The following WSCD2 variants were observed in gnomAD, a reference collection of about 807,000 sequenced individuals.
WSCD2 encodes sialate:O-sulfotransferase 2.
WSCD2 carries 28 observed loss-of-function variants against 55.7 expected under a neutral mutation model. That is an observed-to-expected ratio of 0.50 (90% CI 0.37 to 0.69). The LOEUF (loss-of-function observed/expected upper bound fraction) is 0.69, where lower values mean the gene tolerates loss of function less well. Among genes scored for constraint, WSCD2 ranks in the 30% least tolerant of loss-of-function variants. The probability of loss-of-function intolerance (pLI) is 0.00; values close to 1 mark genes in which losing one functional copy is unlikely to be tolerated. For synonymous variants in WSCD2, 301 were observed against 301.9 expected (o/e 1.00, Z 0.03); for missense variants, 616 against 762.1 (o/e 0.81, Z 2.26).
intron 1 of WSCD2, among the ~76,000 whole-genome samples, chr12:108,164,139 C>CTTTTTTTTT (rs1555224800): frequency 5.9e-5 from 5 of 85,306 alleles, no homozygotes; most frequent in African/African-American, 2.4e-4. Context: ...ATCTTAAATC[C>CTTTTTTTTT]TTTTTTTTTT....
Position 108,249,776 on chromosome 12 carries a change from C to T in WSCD2, c.*1433C>T, listed in dbSNP as rs1043649. On this transcript the variant is annotated 3_prime_UTR_variant, in exon 9 of 9. Coordinates refer to ENST00000547525, the MANE Select transcript of WSCD2 (RefSeq NM_014653.4). The stretch of plus-strand genomic sequence containing the variant: ...AGAGGAATATGATTAATACATTCCG[C>T]CCCTTGGAACCTGGCCATGCAAAGC... 0.28 allele frequency: 42,624 copies of T among 152,574 alleles called. 6,029 individuals are homozygous for T. Among genetic ancestry groups the T allele is most frequent in the Middle Eastern group, 0.31 (90 of 292 alleles). The allele number at this position is 152,574 out of a possible 1,614,324, so 9.5% of individuals were successfully genotyped here.
intron 1 of WSCD2, among the ~76,000 whole-genome samples, chr12:108,178,015 C>A (rs1881127885): frequency 6.6e-6 from 1 of 151,968 alleles, no homozygotes; most frequent in Admixed American, 6.6e-5. Flanking sequence ...TGTTGAGGTC[C>A]TATGCAGAGC....
At chr12:108,140,225 G>T (rs990925175) in intron 1 of WSCD2, among the ~76,000 whole-genome samples, 1 of 152,128 alleles carries the variant, frequency 6.6e-6, no homozygotes, top group Non-Finnish European at 1.5e-5. Context: ...CCGTTTCCTC[G>T]TTTTAAAACT....
At chr12:108,164,281 C>G (rs1248939100) in intron 1 of WSCD2, among the ~76,000 whole-genome samples, 1 of 151,400 alleles carries the variant, frequency 6.6e-6, no homozygotes, top group African/African-American at 2.4e-5. Context: ...GGTCAAGATA[C>G]AGACCATTCT....
chr12:108,136,263 G>C (rs1876203740), intron 1 of WSCD2, among the ~76,000 whole-genome samples: 1 of 151,216 alleles, frequency 6.6e-6, no homozygotes, highest in Non-Finnish European at 1.5e-5. Flanking sequence ...CCTGGGGGAA[G>C]AGTTTCTGAG....
At chr12:108,130,475 G>GGTGTGTGTGTGTGT (rs559546028) in intron 1 of WSCD2, among the ~76,000 whole-genome samples, 1 of 134,510 alleles carries the variant, frequency 7.4e-6, no homozygotes, top group African/African-American at 2.7e-5. Flanking sequence ...TCCATTCTGG[G>GGTGTGTGTGTGTGT]GTGTGTGTGT....
At position 108,169,181 on chromosome 12, in the gene WSCD2, G is replaced by A. The variant is rs80351223; in HGVS notation, c.-551-26101G>A. 2.0e-4 allele frequency among the ~76,000 whole-genome samples: 31 copies of A among 152,302 alleles called. 1 individual carries two copies. The East Asian group carries it at 5.0e-3, about 25-fold the overall frequency. Reference sequence around the variant, plus strand: ...TCTTCCATCACCTCCAGATGGGGCCGTCTAGTTGCAGGAAAACAAGTTCAG... The same window carrying A: ...TCTTCCATCACCTCCAGATGGGGCCATCTAGTTGCAGGAAAACAAGTTCAG... On this transcript the variant is annotated intron_variant, in intron 1 of 8. Coordinates refer to ENST00000547525, the MANE Select transcript of WSCD2 (RefSeq NM_014653.4).
intron 8 of WSCD2, 52 bp downstream of exon 8, chr12:108,240,596 G>A (rs1375674211): frequency 6.8e-7 from 1 of 1,468,228 alleles, no homozygotes; most frequent in Non-Finnish European, 9.2e-7. Context: ...GGGCTGCAGG[G>A]GGCGGTGGGA....
intron 4 of WSCD2, among the ~76,000 whole-genome samples, chr12:108,218,086 CT>C (rs1272125564): frequency 6.6e-6 from 1 of 152,224 alleles, no homozygotes; most frequent in Non-Finnish European, 1.5e-5. Flanking sequence ...TGACTGCCCC[CT>C]CTCTAGTACC....
At chr12:108,247,170 T>G (rs573841727) in intron 8 of WSCD2, among the ~76,000 whole-genome samples, 1 of 152,228 alleles carries the variant, frequency 6.6e-6, no homozygotes, top group African/African-American at 2.4e-5. Context: ...CTATATGACC[T>G]TGAGCAAATT....
chr12:108,248,302 C>A lies in WSCD2; in HGVS notation c.1657C>A (p.Arg553=). 9 of 1,614,080 alleles carry A rather than the reference C, an allele frequency of 5.6e-6. No homozygotes were observed. Among genetic ancestry groups the A allele is most frequent in the Non-Finnish European group, 6.8e-6 (8 of 1,179,960 alleles). The change falls in exon 9 of 9, where the codon CGG becomes AGG. Residue 553 remains arginine (R), a synonymous_variant. Coordinates refer to ENST00000547525, the MANE Select transcript of WSCD2 (RefSeq NM_014653.4). The surrounding 1 kb of genome is among the most constrained non-coding windows in gnomAD (Gnocchi z 4.3). ...GATGGTGGATGCAGCCCTCAAAGGG[C>A]GGAACCTAACGGGTGTCCCCGATGA... The part of the protein sequence containing the change: ...IKMVDAALKG[R]NLTGVPDDYY...
rs1034323020 is a variant in WSCD2 at position 108,157,997 on chromosome 12, C to T, written c.-552+28071C>T. On this transcript the variant is annotated intron_variant, in intron 1 of 8. Coordinates refer to ENST00000547525, the MANE Select transcript of WSCD2 (RefSeq NM_014653.4). ...CTCTGAGGCCACACAAACACCCAGC[C>T]ACTACAGGCTGTCTGAGGCTGGTAC... Among the ~76,000 whole-genome samples the T allele has an allele frequency of 7.2e-5, 11 of 152,280 alleles. No individual in the cohort carries two copies. In the East Asian group the frequency reaches 2.1e-3, roughly 29 times the overall value.
At chr12:108,180,352 G>A (rs1021706092) in intron 1 of WSCD2, among the ~76,000 whole-genome samples, 1 of 152,188 alleles carries the variant, frequency 6.6e-6, no homozygotes, top group Admixed American at 6.5e-5. Context: ...TAGAATAGAG[G>A]TCTTTTCAGC....
chr12:108,179,453 G>A (rs544770657), intron 1 of WSCD2, among the ~76,000 whole-genome samples: 2 of 152,362 alleles, frequency 1.3e-5, no homozygotes, highest in South Asian at 2.1e-4. Flanking sequence ...CAGCAAGCAC[G>A]TGGCTAATGG....
intron 4 of WSCD2, among the ~76,000 whole-genome samples, chr12:108,217,204 T>C (rs1886940700): frequency 6.6e-6 from 1 of 152,238 alleles, no homozygotes; most frequent in African/African-American, 2.4e-5. Context: ...GACCCAGGTC[T>C]GTCTGACTTA....
intron 1 of WSCD2, among the ~76,000 whole-genome samples, chr12:108,134,247 T>C (rs970922017): frequency 5.9e-5 from 9 of 152,148 alleles, no homozygotes; most frequent in African/African-American, 2.2e-4. Context: ...CTCCTCCCTG[T>C]ATCCATGCCC....
chr12:108,223,106 T>C (rs1369049262), intron 4 of WSCD2, among the ~76,000 whole-genome samples: 1 of 152,246 alleles, frequency 6.6e-6, no homozygotes, highest in Non-Finnish European at 1.5e-5. Context: ...ACTGATTGCA[T>C]GAGGCTCACC....
intron 7 of WSCD2, among the ~76,000 whole-genome samples, chr12:108,239,065 C>G (rs978833104): frequency 3.3e-5 from 5 of 152,180 alleles, no homozygotes; most frequent in African/African-American, 1.2e-4. Context: ...GATCATGCCC[C>G]TCTTTTTTGC....
chr12:108,181,142 T>C (rs1185426870), intron 1 of WSCD2, among the ~76,000 whole-genome samples: 2 of 152,176 alleles, frequency 1.3e-5, no homozygotes, highest in African/African-American at 2.4e-5. Flanking sequence ...GAAAGGAGCT[T>C]ATCCATCCCC....
Sources: gnomAD v4.1 joint callset for allele counts (sites outside exome capture counted in the v4.1 genomes callset) on GRCh38, gnomAD v4.1.1 for gene constraint, Gnocchi (gnomAD v3.1) non-coding constraint, MANE v1.5 for transcripts, NCBI Gene and HGNC (gene_info 2026-07-23, HGNC 2026-07-21) for gene names.